The following CDH4 variants were observed in gnomAD, a reference collection of about 807,000 sequenced individuals.
CDH4 encodes the protein cadherin 4.
In CDH4, 33 loss-of-function variants were observed where a neutral mutation model predicts 86.0. The ratio of observed to expected loss-of-function variants is 0.38; its 90% CI spans 0.29 to 0.51. The LOEUF (loss-of-function observed/expected upper bound fraction) is 0.51, where lower values mean the gene tolerates loss of function less well. Among genes scored for constraint, CDH4 ranks in the 20% least tolerant of loss-of-function variants. The pLI is 0.86. For missense variants in CDH4, 1,114 were observed against 1,307.4 expected, an observed-to-expected ratio of 0.85 and a Z score of 2.28; for synonymous variants, 555 against 549.4, an observed-to-expected ratio of 1.01 and a Z score of -0.14.
chr20:61,840,834 C>T (rs960728406), intron 4 of CDH4, among the ~76,000 whole-genome samples: 3 of 152,330 alleles, frequency 2.0e-5, no homozygotes, highest in Admixed American at 6.5e-5. Flanking sequence ...GCTCAGAGCC[C>T]GTGGATGCAC....
chr20:61,597,212 C>T (rs565757088), intron 2 of CDH4, among the ~76,000 whole-genome samples: 6 of 152,308 alleles, frequency 3.9e-5, no homozygotes, highest in East Asian at 1.9e-4. Context: ...ATTTGTTGGT[C>T]GTCCAAGTTC....
chr20:61,903,185 A>G (rs947672050), intron 8 of CDH4, among the ~76,000 whole-genome samples: 1 of 152,210 alleles, frequency 6.6e-6, no homozygotes, highest in Non-Finnish European at 1.5e-5. Context: ...ATGCCAGGGT[A>G]CAGGACAGCT....
At chr20:61,409,166 C>T (rs1317859962) in intron 2 of CDH4, among the ~76,000 whole-genome samples, 1 of 152,196 alleles carries the variant, frequency 6.6e-6, no homozygotes, top group Non-Finnish European at 1.5e-5. Flanking sequence ...TCACATGGCT[C>T]GGCAGAGTGG....
At position 61,884,963 on chromosome 20, in the gene CDH4, C is replaced by T. The variant is rs559212212; in HGVS notation, c.1051-9947C>T. The stretch of plus-strand genomic sequence containing the variant: ...CAGGTCCCTTCAGCCTGGAGAGTCC[C>T]TTCTCTGATAGCCTAAGGGTCAGTC... On this transcript the variant is annotated intron_variant, in intron 7 of 15. Transcript: ENST00000614565. Among the ~76,000 whole-genome samples the T allele has an allele frequency of 2.0e-5, 3 of 152,234 alleles. No individual in the cohort carries two copies. The South Asian group carries it at 6.2e-4, about 32-fold the overall frequency.
chr20:61,719,408 A>G (rs957152873), intron 2 of CDH4: 2 of 275,544 alleles, frequency 7.3e-6, no homozygotes, highest in Admixed American at 9.5e-5. Flanking sequence ...TGTAATGTGC[A>G]AAAACATTAG....
At chr20:61,565,977 T>C (rs1291706307) in intron 2 of CDH4, among the ~76,000 whole-genome samples, 1 of 152,132 alleles carries the variant, frequency 6.6e-6, no homozygotes, top group Non-Finnish European at 1.5e-5. Flanking sequence ...AGGACCCTCG[T>C]CTTGTCCCCG....
chr20:61,274,381 T>G, intron 2 of CDH4, among the ~76,000 whole-genome samples: 1 of 70,232 alleles, frequency 1.4e-5, no homozygotes. Context: ...GAGTACCGTG[T>G]GCAGTTTGGG....
intron 2 of CDH4, among the ~76,000 whole-genome samples, chr20:61,562,083 TGTG>T (rs2086220997): frequency 8.8e-6 from 1 of 113,724 alleles, no homozygotes; most frequent in African/African-American, 3.6e-5. Context: ...GGGGCCTCCG[TGTG>T]GAGAGGTGGA....
chr20:61,328,177 T>C (rs2123255162), intron 2 of CDH4, among the ~76,000 whole-genome samples: 1 of 152,294 alleles, frequency 6.6e-6, no homozygotes, highest in East Asian at 1.9e-4. Context: ...AAAATTGCTA[T>C]TTTTTAAAAT....
At chr20:61,370,657 C>A (rs1304029341) in intron 2 of CDH4, 1 of 152,212 alleles carries the variant, frequency 6.6e-6, no homozygotes, top group African/African-American at 2.4e-5. Flanking sequence ...ATACTGATTA[C>A]ATCTTTTGCT....
intron 3 of CDH4, among the ~76,000 whole-genome samples, chr20:61,758,605 T>C (rs951785484): frequency 6.6e-6 from 1 of 152,130 alleles, no homozygotes; most frequent in African/African-American, 2.4e-5. Flanking sequence ...GACCACGAGG[T>C]CCGTGAAGTT....
chr20:61,673,421 C>T (rs1012822532), intron 2 of CDH4, among the ~76,000 whole-genome samples: 3 of 152,196 alleles, frequency 2.0e-5, no homozygotes, highest in East Asian at 1.9e-4. Flanking sequence ...TGCTTATCAC[C>T]GTGGGGCACA....
chr20:61,829,713 G>A lies in CDH4; in HGVS notation c.577-14955G>A, dbSNP rs192194054. On this transcript the variant is annotated intron_variant, in intron 4 of 15. Transcript: ENST00000614565. The surrounding 1 kb of genome is among the most constrained non-coding windows in gnomAD (Gnocchi z 4.2). ...GCCCCCAGGAGGCTCCCTCTGTGCC[G>A]ACGCCCGTGGGCTGCAGACGGGTGG... Among the ~76,000 whole-genome samples the A allele has an allele frequency of 4.5e-4, 69 of 152,276 alleles. No homozygotes were observed. The East Asian group carries it at 0.011, about 23-fold the overall frequency.
At position 61,709,380 on chromosome 20, in the gene CDH4, T is replaced by C. The variant is rs6089482; in HGVS notation, c.170-34183T>C. ...ACCTCCGCCTCCTGGGTTCAAGCAA[T>C]TCTCCTGCCTCAGCCACCCAAGTAG... is the stretch of plus-strand genomic sequence containing the variant. On this transcript the variant is annotated intron_variant, in intron 2 of 15. Transcript: ENST00000614565. This position sits in a 1 kb window ranked among gnomAD's most constrained non-coding sequence, Gnocchi z 4.8. Among the ~76,000 whole-genome samples the C allele has an allele frequency of 7.9e-3, 1,202 of 152,258 alleles. 15 individuals are homozygous for C. The highest frequency in any genetic ancestry group is 0.012 in the Non-Finnish European group (827 of 68,012).
intron 2 of CDH4, among the ~76,000 whole-genome samples, chr20:61,349,298 G>A (rs2084696773): frequency 1.3e-5 from 2 of 152,228 alleles, no homozygotes; most frequent in South Asian, 4.1e-4. Flanking sequence ...GGGGAGAAAG[G>A]TGGCTGCAAC....
At chr20:61,934,005 G>T in intron 14 of CDH4, 51 bp from the exon 15 acceptor site, 1 of 1,597,632 alleles carries the variant, frequency 6.3e-7, no homozygotes. Flanking sequence ...GTGGAAGGGG[G>T]GCTGGCGGAT....
intron 2 of CDH4, among the ~76,000 whole-genome samples, chr20:61,404,321 A>T (rs1030598402): frequency 6.6e-6 from 1 of 152,124 alleles, no homozygotes; most frequent in Non-Finnish European, 1.5e-5. Flanking sequence ...CTGAAATCTT[A>T]AACAATGCTG....
At chr20:61,521,662 C>T (rs557149458) in intron 2 of CDH4, among the ~76,000 whole-genome samples, 1 of 152,294 alleles carries the variant, frequency 6.6e-6, no homozygotes, top group Admixed American at 6.5e-5. Flanking sequence ...ATGAGCCTGG[C>T]TGAAACTAGC....
At position 61,937,026 on chromosome 20, in the gene CDH4, C is replaced by T. The variant is rs995111768; in HGVS notation, c.*83C>T. The T allele has an allele frequency of 4.8e-5, 58 of 1,206,834 alleles. No individual in the cohort carries two copies. The Middle Eastern group carries it at 3.6e-3, about 75-fold the overall frequency. 74.8% of individuals were successfully genotyped at this position (1,206,834 alleles called of 1,614,324 possible). A position where few individuals can be genotyped will look rare whatever the true frequency, so the allele number is the denominator to read the frequency against. On this transcript the variant is annotated 3_prime_UTR_variant, in exon 16 of 16. Transcript: ENST00000614565. Reference sequence around the variant, plus strand: ...ACTGAGCAGAGGCGGCCGGTCTTCCCGACTCCCTGCGGCTGTGTCCTTAGT... The same window carrying T: ...ACTGAGCAGAGGCGGCCGGTCTTCCTGACTCCCTGCGGCTGTGTCCTTAGT...
Sources: gnomAD v4.1 joint callset for allele counts (sites outside exome capture counted in the v4.1 genomes callset) on GRCh38, gnomAD v4.1.1 for gene constraint, Gnocchi (gnomAD v3.1) non-coding constraint, MANE v1.5 for transcripts, NCBI Gene and HGNC (gene_info 2026-07-23, HGNC 2026-07-21) for gene names.